GNAO1: variants seen among roughly 807,000 people sequenced by gnomAD.
The protein encoded by GNAO1 is guanine nucleotide-binding protein G(o) subunit alpha.
For missense variants in GNAO1, 166 were observed against 478.7 expected, an observed-to-expected ratio of 0.35 and a Z score of 6.10; for synonymous variants, 164 against 180.7, an observed-to-expected ratio of 0.91 and a Z score of 0.74.
intron 2 of GNAO1, among the ~76,000 whole-genome samples, chr16:56,211,749 A>C (rs1751772110): frequency 6.6e-6 from 1 of 152,216 alleles, no homozygotes; most frequent in African/African-American, 2.4e-5. Flanking sequence ...TTATGGTCGC[A>C]GTGCTTCCCA....
rs1380551445 is a variant in GNAO1 at position 56,311,306 on chromosome 16, G to A, written c.304-17325G>A. Among the ~76,000 whole-genome samples the A allele has an allele frequency of 6.6e-6, 1 of 152,058 alleles. No homozygotes were observed. The highest frequency in any genetic ancestry group is 1.9e-4 in the East Asian group (1 of 5,186). On this transcript the variant is annotated intron_variant, in intron 3 of 8. Transcript: ENST00000262493. This position sits in a 1 kb window ranked among gnomAD's most constrained non-coding sequence, Gnocchi z 5.2. Reference sequence around the variant, plus strand: ...TTTGGTGGCCCTGTAGTTTCAGAGAGTGAGTGCCAACCTGAGCTGGTTCCC... The same window carrying A: ...TTTGGTGGCCCTGTAGTTTCAGAGAATGAGTGCCAACCTGAGCTGGTTCCC...
chr16:56,194,278 G>A (rs2036210609), intron 2 of GNAO1: 1 of 456,626 alleles, frequency 2.2e-6, no homozygotes, highest in Non-Finnish European at 4.4e-6. Flanking sequence ...TGGGGAGGCG[G>A]GGCCTGGGGA....
intron 3 of GNAO1, chr16:56,276,809 C>G (rs2037064917): frequency 6.6e-6 from 1 of 152,188 alleles, no homozygotes; most frequent in Admixed American, 6.5e-5. Flanking sequence ...AGAAGCAGCT[C>G]TTTGTCCCTG....
intron 6 of GNAO1, chr16:56,347,861 G>C: frequency 4.1e-6 from 4 of 979,634 alleles, no homozygotes; most frequent in Non-Finnish European, 4.8e-6. Context: ...CCTGCCTCCT[G>C]GTCTTCTCTA....
intron 3 of GNAO1, among the ~76,000 whole-genome samples, chr16:56,283,274 G>A (rs1382846294): frequency 1.3e-5 from 2 of 152,092 alleles, no homozygotes; most frequent in Non-Finnish European, 2.9e-5. Context: ...GGGGCAGCAC[G>A]ACCCTAACAG....
intron 2 of GNAO1, among the ~76,000 whole-genome samples, chr16:56,268,797 T>C (rs563332702): frequency 7.9e-5 from 12 of 152,306 alleles, no homozygotes; most frequent in African/African-American, 2.9e-4. Flanking sequence ...GGACACACAC[T>C]GTAACCAGCA....
chr16:56,320,549 A>G (rs1184870685), intron 3 of GNAO1, among the ~76,000 whole-genome samples: 1 of 152,244 alleles, frequency 6.6e-6, no homozygotes, highest in East Asian at 1.9e-4. Flanking sequence ...AGAAAGCTGC[A>G]TGGAGCAGCA....
intron 2 of GNAO1, among the ~76,000 whole-genome samples, chr16:56,259,895 T>C (rs1249262382): frequency 2.0e-5 from 3 of 152,252 alleles, no homozygotes; most frequent in East Asian, 3.8e-4. Context: ...CAGCCTGGTC[T>C]GCTTCCTCTG....
At chr16:56,227,334 C>T (rs1490370447) in intron 2 of GNAO1, among the ~76,000 whole-genome samples, 1 of 152,150 alleles carries the variant, frequency 6.6e-6, no homozygotes, top group East Asian at 1.9e-4. Context: ...TCTAGAGGAG[C>T]CCAGGTGTAG....
chr16:56,346,355 G>A (rs1234356091), intron 6 of GNAO1: 2 of 985,308 alleles, frequency 2.0e-6, no homozygotes, highest in African/African-American at 3.5e-5. Flanking sequence ...GGTCCTGCGT[G>A]TGCCCTGAGG....
intron 2 of GNAO1, among the ~76,000 whole-genome samples, chr16:56,217,425 T>A (rs528483878): frequency 6.6e-6 from 1 of 152,250 alleles, no homozygotes; most frequent in Non-Finnish European, 1.5e-5. Context: ...AGGCTCTGCA[T>A]CTTTCTATTG....
chr16:56,339,818 C>T (rs1567490870), intron 6 of GNAO1: 1 of 152,632 alleles, frequency 6.6e-6, no homozygotes, highest in East Asian at 1.9e-4. Context: ...GAGAGACCCT[C>T]CAAGCCCGGA....
At chr16:56,233,670 T>G (rs1482771307) in intron 2 of GNAO1, among the ~76,000 whole-genome samples, 2 of 152,208 alleles carry the variant, frequency 1.3e-5, no homozygotes, top group Non-Finnish European at 2.9e-5. Context: ...GGCAGGTCTG[T>G]GTCTGCCCAG....
chr16:56,276,089 A>T lies in GNAO1; in HGVS notation c.303+17A>T. ...GAGAGAAAGGTAGGCCCCTGAGCCCATAAGCACAGCAACAAGAGGTTCTGT... is the reference window on the plus strand; with the variant it reads ...GAGAGAAAGGTAGGCCCCTGAGCCCTTAAGCACAGCAACAAGAGGTTCTGT... On this transcript the variant is annotated intron_variant, in intron 3 of 8. Transcript: ENST00000262493. The T allele has an allele frequency of 6.2e-7, 1 of 1,607,152 alleles. No individual in the cohort carries two copies. Among genetic ancestry groups the T allele is most frequent in the Non-Finnish European group, 8.5e-7 (1 of 1,176,082 alleles).
intron 2 of GNAO1, chr16:56,255,567 C>T (rs1016395559): frequency 6.6e-6 from 1 of 152,124 alleles, no homozygotes; most frequent in East Asian, 1.9e-4. Flanking sequence ...TTGTGTTCAT[C>T]TTGAAGTTTA....
At chr16:56,284,975 C>T (rs1487359393) in intron 3 of GNAO1, among the ~76,000 whole-genome samples, 1 of 152,236 alleles carries the variant, frequency 6.6e-6, no homozygotes, top group East Asian at 1.9e-4. Flanking sequence ...GGCACTCAGC[C>T]TCCAGGGCTC....
chr16:56,336,426 C>A (rs1402394302), intron 5 of GNAO1: 7 of 270,770 alleles, frequency 2.6e-5, no homozygotes, highest in Non-Finnish European at 4.9e-5. Context: ...CTCAGAGGCA[C>A]TTCCTGGGGG....
intron 2 of GNAO1, among the ~76,000 whole-genome samples, chr16:56,250,809 G>A (rs1383331453): frequency 2.0e-5 from 3 of 152,122 alleles, no homozygotes; most frequent in Non-Finnish European, 4.4e-5. Flanking sequence ...TTCTTTACTG[G>A]ATATCCCAGG....
intron 3 of GNAO1, among the ~76,000 whole-genome samples, chr16:56,323,203 G>A (rs1382003193): frequency 2.0e-5 from 3 of 152,360 alleles, no homozygotes; most frequent in African/African-American, 7.2e-5. Context: ...GGACAGAGAG[G>A]CAGTCAGGGG....
Sources: gnomAD v4.1 joint callset for allele counts (sites outside exome capture counted in the v4.1 genomes callset) on GRCh38, gnomAD v4.1.1 for gene constraint, Gnocchi (gnomAD v3.1) non-coding constraint, MANE v1.5 for transcripts, NCBI Gene and HGNC (gene_info 2026-07-23, HGNC 2026-07-21) for gene names.